The following PHC3 variants were observed in gnomAD, a reference collection of about 807,000 sequenced individuals.
The protein encoded by PHC3 is polyhomeotic-like protein 3.
In PHC3, 13 loss-of-function variants were observed where a neutral mutation model predicts 107.4. The ratio of observed to expected loss-of-function variants is 0.12; its 90% confidence interval spans 0.08 to 0.19. PHC3 has a LOEUF of 0.19. PHC3 is among the 10% of genes least tolerant of loss of function. PHC3 has a pLI of 1.00. For synonymous variants in PHC3, 456 were observed against 427.4 expected (o/e 1.07, Z -0.83); for missense variants, 992 against 1,210.9 (o/e 0.82, Z 2.68).
intron 6 of PHC3, among the ~76,000 whole-genome samples, chr3:170,142,812 A>C (rs1418752311): frequency 1.3e-5 from 2 of 152,228 alleles, no homozygotes. Context: ...ATAAAATTTA[A>C]AATGTTCTGG....
At position 170,172,686 on chromosome 3, in the gene PHC3, G is replaced by A. The variant is rs199669055; in HGVS notation, c.207C>T (p.Pro69=). The A allele has an allele frequency of 3.0e-5, 49 of 1,609,404 alleles. No homozygotes were observed. In the East Asian group the frequency reaches 1.1e-3, roughly 36 times the overall value. ...GAAGGTACTGAGCAGCTGAGCTGGGGGGCCGATGCAATGCCTGTTGAATTA... is the reference window on the plus strand; with the variant it reads ...GAAGGTACTGAGCAGCTGAGCTGGGAGGCCGATGCAATGCCTGTTGAATTA... ...VQVIQQALHR[P]PSSAAQYLQQ... is the part of the protein sequence containing the mutation. The change falls in exon 3 of 15, where the codon CCC becomes CCT. Residue 69 remains proline, a synonymous_variant. Coordinates refer to ENST00000495893, the MANE Select transcript of PHC3 (RefSeq NM_024947.4).
intron 4 of PHC3, among the ~76,000 whole-genome samples, chr3:170,166,742 G>A (rs964466202): frequency 2.0e-5 from 3 of 152,040 alleles, no homozygotes; most frequent in African/African-American, 7.2e-5. Flanking sequence ...ATAGCTCACT[G>A]TAGCCTCAAA....
intron 4 of PHC3, among the ~76,000 whole-genome samples, chr3:170,164,585 A>G (rs775321569): frequency 9.8e-5 from 15 of 152,318 alleles, no homozygotes; most frequent in Non-Finnish European, 1.8e-4. Context: ...CTTATGTTAC[A>G]TATAAAATAA....
At chr3:170,164,298 A>G (rs1317287998) in intron 4 of PHC3, among the ~76,000 whole-genome samples, 2 of 152,314 alleles carry the variant, frequency 1.3e-5, no homozygotes, top group Admixed American at 1.3e-4. Flanking sequence ...CTTTTACTCT[A>G]TATATTTGTG....
intron 12 of PHC3, among the ~76,000 whole-genome samples, chr3:170,103,527 A>G (rs1715883452): frequency 1.3e-5 from 2 of 152,164 alleles, no homozygotes; most frequent in African/African-American, 2.4e-5. Flanking sequence ...TTAATGAAAG[A>G]TTTTCTTTTA....
At chr3:170,117,916 G>C (rs1229672571) in intron 9 of PHC3, among the ~76,000 whole-genome samples, 1 of 151,926 alleles carries the variant, frequency 6.6e-6, no homozygotes, top group Non-Finnish European at 1.5e-5. Context: ...GGGAGGCTGA[G>C]ACAGGAGAAT....
At chr3:170,172,975 A>G (rs1279006997) in intron 2 of PHC3, among the ~76,000 whole-genome samples, 4 of 152,158 alleles carry the variant, frequency 2.6e-5, no homozygotes, top group Non-Finnish European at 4.4e-5. Context: ...GGCGGATCAC[A>G]AGGTCAGGAG....
chr3:170,171,417 GAGATGT>G lies in PHC3; in HGVS notation c.364_369del (p.Thr122_Ser123del). 6.2e-7 allele frequency: 1 copy of G among 1,607,432 alleles called. No homozygotes were observed. The highest frequency in any genetic ancestry group is 1.3e-5 in the African/African-American group (1 of 74,842). On this transcript the variant is annotated inframe_deletion, in exon 4 of 15. Transcript: ENST00000495893. ...GACTGCTGTGTGACACTTCCTGTGGGAGATGTAGATGGTCTTCCACTGGACAAACTT... is the reference window on the plus strand; with the variant it reads ...GACTGCTGTGTGACACTTCCTGTGGGAGATGGTCTTCCACTGGACAAACTT...
At chr3:170,161,719 G>A (rs1382517339) in intron 4 of PHC3, among the ~76,000 whole-genome samples, 1 of 152,220 alleles carries the variant, frequency 6.6e-6, no homozygotes, top group South Asian at 2.1e-4. Flanking sequence ...AGGCTGGGAA[G>A]TCCAAAATTA....
intron 14 of PHC3, chr3:170,102,237 G>T: frequency 1.0e-6 from 1 of 985,402 alleles, no homozygotes; most frequent in Non-Finnish European, 1.2e-6. Flanking sequence ...ACCGGCTGAG[G>T]TGTCACAGCA....
intron 4 of PHC3, among the ~76,000 whole-genome samples, chr3:170,165,858 C>G (rs1221797452): frequency 5.4e-5 from 8 of 149,128 alleles, no homozygotes; most frequent in South Asian, 2.1e-4. Context: ...GTTCCAGCTA[C>G]TTAGGAAGCC....
intron 6 of PHC3, among the ~76,000 whole-genome samples, chr3:170,137,952 A>C (rs1723388408): frequency 6.6e-6 from 1 of 152,190 alleles, no homozygotes; most frequent in Non-Finnish European, 1.5e-5. Flanking sequence ...CTGTAATCCC[A>C]GCATTTTGGG....
chr3:170,136,457 A>G lies in PHC3; in HGVS notation c.881T>C (p.Val294Ala), dbSNP rs749526607. Reference protein sequence around the residue: ...SPSLESRSTAVTRTSSIHQLI... With the variant: ...SPSLESRSTAATRTSSIHQLI... ...CTGGTGAATACTTGATGTCCGGGTG[A>G]CAGCTGTGCTTCGTGATTCCAGGCT... The change falls in exon 7 of 15, where the codon GTC becomes GCC. Residue 294 changes from valine (V) to alanine (A), a missense_variant. This residue lies in a region of PHC3 where 543 missense variants were observed against 590.8 expected (regional missense o/e 0.92). Coordinates refer to ENST00000495893, the MANE Select transcript of PHC3 (RefSeq NM_024947.4). 1 of 1,605,410 alleles carries G rather than the reference A, an allele frequency of 6.2e-7. No homozygotes were observed. Among genetic ancestry groups the G allele is most frequent in the South Asian group, 1.1e-5 (1 of 88,936 alleles).
chr3:170,169,286 G>C (rs1472163849), intron 4 of PHC3, among the ~76,000 whole-genome samples: 1 of 151,932 alleles, frequency 6.6e-6, no homozygotes, highest in African/African-American at 2.4e-5. Flanking sequence ...CCTTTCCCAC[G>C]GCTTCACTGT....
At chr3:170,132,198 C>T (rs1046066612) in intron 7 of PHC3, among the ~76,000 whole-genome samples, 1 of 152,028 alleles carries the variant, frequency 6.6e-6, no homozygotes, top group Non-Finnish European at 1.5e-5. Context: ...ATATATAATT[C>T]TATTATTTAC....
intron 6 of PHC3, among the ~76,000 whole-genome samples, chr3:170,139,829 G>C (rs754375294): frequency 1.6e-4 from 24 of 152,126 alleles, no homozygotes; most frequent in Non-Finnish European, 3.4e-4. Context: ...CCTTGACAGA[G>C]CCTCCCTTTT....
intron 6 of PHC3, among the ~76,000 whole-genome samples, chr3:170,143,047 C>T (rs544264992): frequency 6.6e-6 from 1 of 152,144 alleles, no homozygotes; most frequent in African/African-American, 2.4e-5. Flanking sequence ...TGTGGAGGCA[C>T]ACACCTGTAA....
In PHC3 at chr3:170,097,544, GA is replaced by G. The variant is rs1560014421; in HGVS notation, c.2834-161del. On this transcript the variant is annotated intron_variant, in intron 14 of 14. Transcript: ENST00000495893. This position sits in a 1 kb window ranked among gnomAD's most constrained non-coding sequence, Gnocchi z 4.1. ...TGGTAGTCTTGAGTTCACTCTTGAA[GA>G]ATAGAGTATTTGCATTCTGAAAATA... Among the ~76,000 whole-genome samples the G allele has an allele frequency of 6.6e-6, 1 of 152,174 alleles. No individual in the cohort carries two copies. Among genetic ancestry groups the G allele is most frequent in the Non-Finnish European group, 1.5e-5 (1 of 68,022 alleles).
intron 10 of PHC3, among the ~76,000 whole-genome samples, chr3:170,114,434 C>G (rs1718504098): frequency 6.6e-6 from 1 of 152,072 alleles, no homozygotes; most frequent in Non-Finnish European, 1.5e-5. Context: ...GGTTAATGAT[C>G]AAGACAAAAT....
Sources: gnomAD v4.1 joint callset for allele counts (sites outside exome capture counted in the v4.1 genomes callset) on GRCh38, gnomAD v4.1.1 for gene constraint, gnomAD v4.1.1 regional missense constraint, Gnocchi (gnomAD v3.1) non-coding constraint, MANE v1.5 for transcripts, NCBI Gene and HGNC (gene_info 2026-07-23, HGNC 2026-07-21) for gene names.